The following TEAD1 variants were observed in gnomAD, a reference collection of about 807,000 sequenced individuals.
TEAD1 encodes transcriptional enhancer factor TEF-1.
Under a neutral mutation model 54.9 loss-of-function variants are expected in TEAD1, and 9 were observed. The observed-to-expected ratio is 0.16, with a 90% CI of 0.10 to 0.29. The LOEUF is 0.29. Among genes scored for constraint, TEAD1 ranks in the 10% least tolerant of loss-of-function variants. The pLI is 1.00. For missense variants in TEAD1, 387 were observed against 535.9 expected, an observed-to-expected ratio of 0.72 and a Z score of 2.74; for synonymous variants, 200 against 187.8, an observed-to-expected ratio of 1.07 and a Z score of -0.53.
intron 3 of TEAD1, among the ~76,000 whole-genome samples, chr11:12,767,950 TC>T (rs1286363806): frequency 2.0e-5 from 3 of 152,182 alleles, no homozygotes; most frequent in Non-Finnish European, 4.4e-5. Context: ...AAGTTCTTGA[TC>T]AACAAACTTA....
chr11:12,879,366 T>TC, intron 5 of TEAD1: 1 of 566,076 alleles, frequency 1.8e-6, no homozygotes, highest in East Asian at 3.0e-5. Flanking sequence ...TATTTTTTTT[T>TC]CTTCCTTAAA....
intron 3 of TEAD1, among the ~76,000 whole-genome samples, chr11:12,858,201 C>A (rs2134061983): frequency 6.6e-6 from 1 of 152,276 alleles, no homozygotes; most frequent in South Asian, 2.1e-4. Context: ...CATGCATATA[C>A]AATCCCAAAC....
intron 2 of TEAD1, among the ~76,000 whole-genome samples, chr11:12,748,831 T>TG (rs1944806048): frequency 8.2e-6 from 1 of 121,926 alleles, no homozygotes; most frequent in Non-Finnish European, 1.7e-5. Context: ...GCAAAGTTAG[T>TG]GGGGTAGAGA....
At chr11:12,878,553 G>A (rs1213087375) in intron 5 of TEAD1, among the ~76,000 whole-genome samples, 1 of 152,080 alleles carries the variant, frequency 6.6e-6, no homozygotes, top group East Asian at 1.9e-4. Context: ...TGTGCCCACC[G>A]GGCCTGTCTC....
At chr11:12,714,541 C>A (rs1944013458) in intron 2 of TEAD1, among the ~76,000 whole-genome samples, 1 of 152,100 alleles carries the variant, frequency 6.6e-6, no homozygotes, top group South Asian at 2.1e-4. Context: ...CCCACTGTGT[C>A]CTGGCCTAGG....
chr11:12,868,176 G>T (rs1424193604), intron 5 of TEAD1, among the ~76,000 whole-genome samples: 1 of 152,138 alleles, frequency 6.6e-6, no homozygotes, highest in Non-Finnish European at 1.5e-5. Context: ...TACTTTCCAG[G>T]GAAGGGTGTG....
chr11:12,795,327 CT>C (rs1945892649), intron 3 of TEAD1, among the ~76,000 whole-genome samples: 1 of 152,130 alleles, frequency 6.6e-6, no homozygotes, highest in Non-Finnish European at 1.5e-5. Flanking sequence ...CCAGTATGAC[CT>C]TGACTGATCA....
chr11:12,722,652 T>TA (rs1252499700), intron 2 of TEAD1, among the ~76,000 whole-genome samples: 1 of 121,194 alleles, frequency 8.3e-6, no homozygotes, highest in Non-Finnish European at 1.5e-5. Context: ...TCTCTTTCTT[T>TA]TTTTTTTTTT....
At chr11:12,791,223 TC>T (rs1945795898) in intron 3 of TEAD1, among the ~76,000 whole-genome samples, 1 of 152,180 alleles carries the variant, frequency 6.6e-6, no homozygotes, top group Non-Finnish European at 1.5e-5. Context: ...ATTTATAACT[TC>T]CAGATAACAG....
chr11:12,920,280 A>T (rs1396459019), intron 10 of TEAD1, among the ~76,000 whole-genome samples: 1 of 152,248 alleles, frequency 6.6e-6, no homozygotes, highest in Non-Finnish European at 1.5e-5. Context: ...ACAGTTGTGA[A>T]CATATTCAGC....
At chr11:12,854,904 C>T (rs1947343003) in intron 3 of TEAD1, among the ~76,000 whole-genome samples, 1 of 151,862 alleles carries the variant, frequency 6.6e-6, no homozygotes, top group Non-Finnish European at 1.5e-5. Flanking sequence ...CTTGAGATGG[C>T]ATCTTTTTAC....
At chr11:12,763,768 G>A (rs1945148352) in intron 2 of TEAD1, among the ~76,000 whole-genome samples, 1 of 152,224 alleles carries the variant, frequency 6.6e-6, no homozygotes, top group Admixed American at 6.5e-5. Context: ...GCCCCTGGTA[G>A]ATAGTAGGCA....
At chr11:12,736,762 A>C (rs1269455341) in intron 2 of TEAD1, among the ~76,000 whole-genome samples, 1 of 152,192 alleles carries the variant, frequency 6.6e-6, no homozygotes, top group African/African-American at 2.4e-5. Flanking sequence ...AAAGCAGAGA[A>C]TGTCTCCTTG....
intron 5 of TEAD1, among the ~76,000 whole-genome samples, chr11:12,877,518 G>A (rs893191684): frequency 5.9e-5 from 9 of 152,122 alleles, no homozygotes; most frequent in Admixed American, 1.3e-4. Flanking sequence ...AATTAGCCGG[G>A]CATGGTGGCA....
In TEAD1 at chr11:12,922,219, C is replaced by T. The variant is rs1429723396; in HGVS notation, c.874-2693C>T. On this transcript the variant is annotated intron_variant, in intron 10 of 12. Transcript: ENST00000527636. ...TTTTTTTTTTTTTTTTTTTTTGAGA[C>T]GGAGTCTCGCTCTGTCGCCCAGGCT... Among the ~76,000 whole-genome samples, 3 of 37,286 alleles carry T rather than the reference C, an allele frequency of 8.0e-5. 1 individual carries two copies. The East Asian group carries it at 2.2e-3, about 27-fold the overall frequency. The allele number at this position is 37,286 out of a possible 152,430, so 24.5% of individuals were successfully genotyped here. A position where few individuals can be genotyped will look rare whatever the true frequency, so the allele number is the denominator to read the frequency against.
intron 2 of TEAD1, among the ~76,000 whole-genome samples, chr11:12,711,032 A>T (rs1943925511): frequency 6.6e-6 from 1 of 152,170 alleles, no homozygotes; most frequent in African/African-American, 2.4e-5. Context: ...TGTACTGTGA[A>T]TACCATGTTT....
chr11:12,717,068 G>A (rs1242657384), intron 2 of TEAD1, among the ~76,000 whole-genome samples: 3 of 152,210 alleles, frequency 2.0e-5, no homozygotes, highest in African/African-American at 7.2e-5. Flanking sequence ...GTTCCTGCAT[G>A]GATTTGTAGA....
At chr11:12,774,444 A>G (rs1945377602) in intron 3 of TEAD1, among the ~76,000 whole-genome samples, 1 of 152,206 alleles carries the variant, frequency 6.6e-6, no homozygotes, top group Non-Finnish European at 1.5e-5. Flanking sequence ...ATGCATGGAA[A>G]GATGTTGATA....
At chr11:12,741,654 A>G (rs1944651425) in intron 2 of TEAD1, among the ~76,000 whole-genome samples, 4 of 152,184 alleles carry the variant, frequency 2.6e-5, no homozygotes, top group South Asian at 2.1e-4. Flanking sequence ...ATTTTCCAAT[A>G]TAAATCTGGA....
Sources: allele counts gnomAD v4.1 joint callset (sites outside exome capture counted in the v4.1 genomes callset), GRCh38; gene constraint gnomAD v4.1.1; transcripts MANE v1.5; gene names NCBI Gene and HGNC (gene_info 2026-07-23, HGNC 2026-07-21).